Variants in PRUNE2 observed in about 807,000 individuals in gnomAD.
The protein encoded by PRUNE2 is prune homolog 2 with BCH domain, also known as protein prune homolog 2.
PRUNE2 carries 164 observed loss-of-function variants against 252.0 expected under a neutral mutation model. That is an observed-to-expected ratio of 0.65 (90% CI 0.57 to 0.74). PRUNE2 has a LOEUF of 0.74. Ranked by LOEUF, PRUNE2 falls within the 30% of genes least tolerant of loss-of-function variation. The pLI is 0.00. For missense variants in PRUNE2, 3,495 were observed against 3,711.0 expected (o/e 0.94, Z 1.51); for synonymous variants, 1,292 against 1,350.2 (o/e 0.96, Z 0.94).
At chr9:76,857,397 T>C (rs2060316524) in intron 1 of PRUNE2, among the ~76,000 whole-genome samples, 1 of 151,316 alleles carries the variant, frequency 6.6e-6, no homozygotes, top group Non-Finnish European at 1.5e-5. Flanking sequence ...TCCAAAAAGA[T>C]GACTGGAAAA....
chr9:76,704,797 C>T lies in PRUNE2; in HGVS notation c.7477G>A (p.Asp2493Asn), dbSNP rs868110829. 30 of 1,574,404 alleles carry T rather than the reference C, an allele frequency of 1.9e-5. No homozygotes were observed. Among genetic ancestry groups the T allele is most frequent in the Non-Finnish European group, 2.6e-5 (30 of 1,158,234 alleles). Residue 2493 changes from aspartate (D) to asparagine (N), a missense_variant, in exon 8 of 19, where the codon GAT becomes AAT. Coordinates refer to ENST00000376718, the MANE Select transcript of PRUNE2 (RefSeq NM_015225.3). ...VDWEVETDNS[D>N]LPAGGDIGPP... ...CCTATGTCTCCACCTGCTGGTAAAT[C>T]AGAATTATCTGTTTCTACTTCCCAG...
At position 76,693,326 on chromosome 9, in the gene PRUNE2, G is replaced by A. The variant is rs148748993; in HGVS notation, c.8276+10011C>T. Among the ~76,000 whole-genome samples the A allele has an allele frequency of 4.5e-3, 682 of 151,490 alleles. 6 individuals are homozygous for A. Among genetic ancestry groups the A allele is most frequent in the African/African-American group, 0.016 (655 of 41,258 alleles). ...GAGGAGGGGACCATGGCAGAATAGG[G>A]GGATGGGCAATTTTAGGTAATCTCC... On this transcript the variant is annotated intron_variant, in intron 9 of 18. Transcript: ENST00000376718.
At chr9:76,637,354 T>C in intron 14 of PRUNE2, 64 bp downstream of exon 14, 1 of 1,484,524 alleles carries the variant, frequency 6.7e-7, no homozygotes, top group Non-Finnish European at 9.3e-7. Context: ...CAGTATACCA[T>C]GTGGTTGTTT....
chr9:76,669,465 G>A (rs2040878213), intron 9 of PRUNE2, among the ~76,000 whole-genome samples: 1 of 152,094 alleles, frequency 6.6e-6, no homozygotes, highest in South Asian at 2.1e-4. Context: ...GATCACAGCT[G>A]CGGGCCACCA....
chr9:76,870,475 G>A (rs977010615), intron 1 of PRUNE2, among the ~76,000 whole-genome samples: 72 of 152,126 alleles, frequency 4.7e-4, no homozygotes, highest in Non-Finnish European at 7.6e-4. Flanking sequence ...CACAAGGTCA[G>A]GAGATCGAGA....
intron 6 of PRUNE2, among the ~76,000 whole-genome samples, chr9:76,822,019 AG>A (rs1180120976): frequency 6.6e-6 from 1 of 152,160 alleles, no homozygotes; most frequent in Non-Finnish European, 1.5e-5. Context: ...GACAGAGGAG[AG>A]GGGAACAGAG....
intron 12 of PRUNE2, among the ~76,000 whole-genome samples, chr9:76,642,966 A>G (rs952944036): frequency 6.6e-5 from 10 of 152,134 alleles, no homozygotes; most frequent in Admixed American, 2.6e-4. Flanking sequence ...ACAGACAAAA[A>G]CTGAGCTTGC....
At chr9:76,716,633 C>T (rs1017323348) in intron 6 of PRUNE2, among the ~76,000 whole-genome samples, 42 of 151,874 alleles carry the variant, frequency 2.8e-4, no homozygotes, top group African/African-American at 8.9e-4. Flanking sequence ...TTTTCTTTTT[C>T]TTTATTTTTT....
intron 9 of PRUNE2, among the ~76,000 whole-genome samples, chr9:76,664,830 A>G (rs2039818249): frequency 6.6e-6 from 1 of 152,212 alleles, no homozygotes; most frequent in African/African-American, 2.4e-5. Context: ...TTTATTATAC[A>G]GCAATAGCTA....
chr9:76,645,953 C>T (rs1401693977), intron 11 of PRUNE2, among the ~76,000 whole-genome samples: 6 of 152,120 alleles, frequency 3.9e-5, no homozygotes, highest in Non-Finnish European at 7.4e-5. Flanking sequence ...GGTCATTATA[C>T]CATTATATTA....
chr9:76,695,186 C>T (rs950458582), intron 9 of PRUNE2, among the ~76,000 whole-genome samples: 6 of 152,180 alleles, frequency 3.9e-5, no homozygotes, highest in African/African-American at 1.4e-4. Flanking sequence ...CAGGTGTGTG[C>T]CACCACGCCT....
At position 76,611,937 on chromosome 9, in the gene PRUNE2, T is replaced by C. The variant is rs1827566217; in HGVS notation, c.*2633A>G. ...GATCTATAGGAGAAATGCAAAGCAG[T>C]TCCCAGAAGTCAGAACCAAAGCAAG... On this transcript the variant is annotated 3_prime_UTR_variant, in exon 19 of 19. Coordinates refer to ENST00000376718, the MANE Select transcript of PRUNE2 (RefSeq NM_015225.3). 1 of 152,664 alleles carries C rather than the reference T, an allele frequency of 6.6e-6. No individual in the cohort carries two copies. Among genetic ancestry groups the C allele is most frequent in the African/African-American group, 2.4e-5 (1 of 41,460 alleles). The allele number at this position is 152,664 out of a possible 1,614,324, so 9.5% of individuals were successfully genotyped here.
At chr9:76,660,536 C>T (rs906331249) in intron 9 of PRUNE2, among the ~76,000 whole-genome samples, 1 of 152,010 alleles carries the variant, frequency 6.6e-6, no homozygotes, top group African/African-American at 2.4e-5. Flanking sequence ...GTAATCCCAA[C>T]ACTTTGGGAG....
intron 1 of PRUNE2, among the ~76,000 whole-genome samples, chr9:76,892,068 C>G (rs897089411): frequency 2.2e-4 from 34 of 151,874 alleles, no homozygotes; most frequent in Non-Finnish European, 4.0e-4. Context: ...AAGTAGCCCC[C>G]CCAGCCAGAT....
At chr9:76,843,170 G>A (rs1810339899) in intron 4 of PRUNE2, among the ~76,000 whole-genome samples, 1 of 152,292 alleles carries the variant, frequency 6.6e-6, no homozygotes, top group South Asian at 2.1e-4. Context: ...CATGTCCTTT[G>A]CAGGGACACT....
Position 76,709,466 on chromosome 9 carries a change from A to G in PRUNE2, c.2808T>C (p.Pro936=). Residue 936 remains proline (P), a synonymous_variant, in exon 8 of 19, where the codon CCT becomes CCC. Transcript: ENST00000376718. ...TGTAAGATAAGAAGGAATCTTCCCAAGGAACTAGGACATCTGACCCTCCTT... is the reference window on the plus strand; with the variant it reads ...TGTAAGATAAGAAGGAATCTTCCCAGGGAACTAGGACATCTGACCCTCCTT... ...MKKGGSDVLV[P]WEDSFLSYKC... 6.2e-7 allele frequency: 1 copy of G among 1,614,006 alleles called. No individual in the cohort carries two copies.
At chr9:76,884,749 G>C (rs1428841984) in intron 1 of PRUNE2, among the ~76,000 whole-genome samples, 1 of 152,088 alleles carries the variant, frequency 6.6e-6, no homozygotes, top group Non-Finnish European at 1.5e-5. Flanking sequence ...CAAAATCCTG[G>C]AGTCCCTAGT....
At position 76,682,246 on chromosome 9, in the gene PRUNE2, AGTT is replaced by A. The variant is rs570436929; in HGVS notation, c.8276+21088_8276+21090del. ...AAAGTCTTATTCATTATAAAAACAT[AGTT>A]TACTTATAGAAAACTTACCATATAT... On this transcript the variant is annotated intron_variant, in intron 9 of 18. Coordinates refer to ENST00000376718, the MANE Select transcript of PRUNE2 (RefSeq NM_015225.3). 2.0e-5 allele frequency among the ~76,000 whole-genome samples: 3 copies of A among 151,900 alleles called. No homozygotes were observed. In the East Asian group the frequency reaches 5.8e-4, roughly 29 times the overall value.
At chr9:76,802,677 G>A (rs568877391) in intron 6 of PRUNE2, among the ~76,000 whole-genome samples, 20 of 152,142 alleles carry the variant, frequency 1.3e-4, no homozygotes, top group South Asian at 6.2e-4. Flanking sequence ...TCAAACAATG[G>A]ATGAGTATCA....
Sources: allele counts gnomAD v4.1 joint callset (sites outside exome capture counted in the v4.1 genomes callset), GRCh38; gene constraint gnomAD v4.1.1; transcripts MANE v1.5; gene names NCBI Gene and HGNC (gene_info 2026-07-23, HGNC 2026-07-21).